KCTD2: variants seen among roughly 807,000 people sequenced by gnomAD.
KCTD2 encodes the protein BTB/POZ domain-containing protein KCTD2.
KCTD2 carries 18 observed loss-of-function variants against 27.9 expected under a neutral mutation model. The ratio of observed to expected loss-of-function variants is 0.64; its 90% CI spans 0.45 to 0.96. The LOEUF (loss-of-function observed/expected upper bound fraction) is 0.96, where lower values mean the gene tolerates loss of function less well. Among genes scored for constraint, KCTD2 ranks in the 40% least tolerant of loss-of-function variants. KCTD2 has a pLI of 0.00. For missense variants in KCTD2, 280 were observed against 348.0 expected (o/e 0.80, Z 1.56); for synonymous variants, 175 against 148.4 (o/e 1.18, Z -1.30).
chr17:75,047,728 T>G, intron 1 of KCTD2, 139 bp downstream of exon 1: 2 of 750,060 alleles, frequency 2.7e-6, no homozygotes, highest in African/African-American at 1.9e-5. Context: ...CCTCCCACAC[T>G]ACTCGCAGGG....
At chr17:75,053,826 GGGTACGCTTCA>G (rs1424632522) in intron 3 of KCTD2, among the ~76,000 whole-genome samples, 5 of 147,710 alleles carry the variant, frequency 3.4e-5, no homozygotes, top group African/African-American at 1.3e-4. Context: ...CAGTCTCATG[GGGTACGCTTCA>G]GCAGCTGCTT....
intron 3 of KCTD2, chr17:75,039,391 G>A: frequency 1.2e-6 from 1 of 851,208 alleles, no homozygotes; most frequent in Non-Finnish European, 1.9e-6. Context: ...AGAAACTGTG[G>A]TTACCCTGAG....
At chr17:75,060,343 C>G in intron 4 of KCTD2, 1 of 1,241,394 alleles carries the variant, frequency 8.1e-7, no homozygotes, top group Non-Finnish European at 1.1e-6. Flanking sequence ...GTGGTGTCCA[C>G]TGGAAAAATG....
At chr17:75,055,077 CAG>C (rs2073335809) in intron 3 of KCTD2, among the ~76,000 whole-genome samples, 1 of 151,822 alleles carries the variant, frequency 6.6e-6, no homozygotes, top group Non-Finnish European at 1.5e-5. Context: ...TTTTTTGAGG[CAG>C]AGTTTTCCTC....
Position 75,047,292 on chromosome 17 carries a change from AG to A in KCTD2, c.47del (p.Gly16AlafsTer61). On this transcript the variant is annotated frameshift_variant, in exon 1 of 6. Coordinates refer to ENST00000322444, the MANE Select transcript of KCTD2 (RefSeq NM_015353.3). LOFTEE classifies it high-confidence loss of function. ...TGGACCCGGCGATGGCGGGGCTGGG[AG>A]GGGGCGGCGGGAGTGGGGTGGGCGA... Reference protein sequence around the residue: ...QLDPAMAGLGGGGGSGVGDGG... With the variant: ...QLDPAMAGLGXGGGSGVGDGG... The A allele has an allele frequency of 1.4e-6, 1 of 729,698 alleles. No homozygotes were observed. Among genetic ancestry groups the A allele is most frequent in the Non-Finnish European group, 1.7e-6 (1 of 598,478 alleles). 45.2% of individuals were successfully genotyped at this position (729,698 alleles called of 1,614,324 possible).
chr17:75,040,251 A>G (rs769534718), intron 3 of KCTD2: 19 of 1,500,746 alleles, frequency 1.3e-5, no homozygotes, highest in Non-Finnish European at 1.8e-5. Context: ...CAGGAGCTCA[A>G]AGGGCTGGAA....
At chr17:75,059,452 G>A (rs1204350698) in intron 3 of KCTD2, 58 bp from the exon 4 acceptor site, 3 of 1,169,478 alleles carry the variant, frequency 2.6e-6, no homozygotes, top group Non-Finnish European at 3.6e-6. Context: ...CCTCCTTGGG[G>A]CAGCTGCAAA....
chr17:75,045,250 A>C (rs2073201870), upstream of KCTD2, among the ~76,000 whole-genome samples: 1 of 152,220 alleles, frequency 6.6e-6, no homozygotes, highest in Admixed American at 6.5e-5. Flanking sequence ...GGGTAATAGA[A>C]TATCACAAGG....
intron 3 of KCTD2, among the ~76,000 whole-genome samples, chr17:75,053,427 T>C (rs1011376375): frequency 7.3e-5 from 11 of 151,636 alleles, no homozygotes; most frequent in Admixed American, 2.0e-4. Flanking sequence ...GAGGTCTTGG[T>C]TGCACCCGTT....
intron 3 of KCTD2, among the ~76,000 whole-genome samples, chr17:75,038,119 TAA>T (rs1444583083): frequency 2.0e-5 from 3 of 152,222 alleles, no homozygotes; most frequent in East Asian, 1.9e-4. Context: ...CTGTGCAACA[TAA>T]GTTTCCCTTT....
rs754426332 is a variant in KCTD2, at chr17:75,062,282, T to G, written c.762+37T>G. On this transcript the variant is annotated intron_variant, in intron 5 of 5. Coordinates refer to ENST00000322444, the MANE Select transcript of KCTD2 (RefSeq NM_015353.3). ...CTTCCCTGGGCAGTTGCCTCTGGCT[T>G]GCTTGTTCGCACCCCCTCCGTGGGC... The G allele has an allele frequency of 1.4e-4, 226 of 1,589,860 alleles. 1 individual carries two copies. Among genetic ancestry groups the G allele is most frequent in the African/African-American group, 2.3e-4 (17 of 73,550 alleles).
upstream of KCTD2, among the ~76,000 whole-genome samples, chr17:75,045,099 G>C (rs747782619): frequency 1.3e-5 from 2 of 152,114 alleles, no homozygotes; most frequent in Non-Finnish European, 2.9e-5. Flanking sequence ...TTTAAAGCTG[G>C]GCGTCCGGGG....
chr17:75,035,098 G>T (rs189331088), intron 2 of KCTD2: 2 of 152,220 alleles, frequency 1.3e-5, no homozygotes, highest in African/African-American at 2.4e-5. Flanking sequence ...TCTCTAGGAG[G>T]TAGCTGCAGC....
chr17:75,036,154 C>T (rs776992875), intron 3 of KCTD2: 4 of 402,286 alleles, frequency 9.9e-6, no homozygotes, highest in African/African-American at 8.3e-5. Context: ...CCTGGGTTCA[C>T]GCCATTCTCC....
chr17:75,063,212 C>A lies in KCTD2; in HGVS notation c.*165C>A. 2.9e-6 allele frequency: 2 copies of A among 680,460 alleles called. No individual in the cohort carries two copies. Among genetic ancestry groups the A allele is most frequent in the East Asian group, 2.7e-5 (1 of 36,916 alleles). The allele number at this position is 680,460 out of a possible 1,614,324, so 42.2% of individuals were successfully genotyped here. ...CAAAACTAAAGGAACTCCCTCCCCACCTGCAGGACTCCGAAGACAGTGCGA... is the reference window on the plus strand; with the variant it reads ...CAAAACTAAAGGAACTCCCTCCCCAACTGCAGGACTCCGAAGACAGTGCGA... On this transcript the variant is annotated 3_prime_UTR_variant, in exon 6 of 6. Coordinates refer to ENST00000322444, the MANE Select transcript of KCTD2 (RefSeq NM_015353.3).
At chr17:75,058,789 CTG>C (rs770063406) in intron 3 of KCTD2, among the ~76,000 whole-genome samples, 5 of 150,130 alleles carry the variant, frequency 3.3e-5, no homozygotes, top group African/African-American at 4.9e-5. Context: ...CAGAGTGAGA[CTG>C]TGTCTTAAAA....
rs2073231829 is a variant in KCTD2 at position 75,047,245 on chromosome 17, T to C, written c.-6T>C. 2 of 794,000 alleles carry C rather than the reference T, an allele frequency of 2.5e-6. No homozygotes were observed. The highest frequency in any genetic ancestry group is 1.9e-5 in the African/African-American group (1 of 52,240). 49.2% of individuals were successfully genotyped at this position (794,000 alleles called of 1,614,324 possible). On this transcript the variant is annotated 5_prime_UTR_variant, in exon 1 of 6. Coordinates refer to ENST00000322444, the MANE Select transcript of KCTD2 (RefSeq NM_015353.3). ...CGGGCAGCAGCGGTGGCGGCGGCGG[T>C]CCAAGATGGCGGAACTGCAGCTGGA...
intron 1 of KCTD2, chr17:75,033,897 G>C (rs761012190): frequency 2.6e-5 from 4 of 152,456 alleles, no homozygotes; most frequent in Admixed American, 1.3e-4. Context: ...GCACGGCCAC[G>C]TGCCCCAAGC....
At chr17:75,039,633 C>A in intron 3 of KCTD2, 1 of 291,276 alleles carries the variant, frequency 3.4e-6, no homozygotes. Flanking sequence ...CATAGTTGGC[C>A]TTCAGTGCTT....
Sources: gnomAD v4.1 joint callset for allele counts (sites outside exome capture counted in the v4.1 genomes callset) on GRCh38, gnomAD v4.1.1 for gene constraint, MANE v1.5 for transcripts, NCBI Gene and HGNC (gene_info 2026-07-23, HGNC 2026-07-21) for gene names.